ZC3H12B: variants seen among roughly 807,000 people sequenced by gnomAD.
The protein encoded by ZC3H12B is probable ribonuclease ZC3H12B.
In ZC3H12B, 7 loss-of-function variants were observed where a neutral mutation model predicts 43.9. The observed-to-expected ratio is 0.16, with a 90% CI of 0.09 to 0.30. ZC3H12B has a LOEUF of 0.30. ZC3H12B is among the 10% of genes least tolerant of loss of function. ZC3H12B has a pLI of 1.00. For missense variants in ZC3H12B, 475 were observed against 670.2 expected (o/e 0.71, Z 3.22); for synonymous variants, 222 against 241.7 (o/e 0.92, Z 0.76).
chrX:65,219,809 T>TACACACACACACACAC, the ZC3H12B span, among the ~76,000 whole-genome samples: 15 of 76,662 alleles, frequency 2.0e-4, no homozygotes, highest in African/African-American at 3.7e-4. Context: ...TACACACACA[T>TACACACACACACACAC]ACACACACAC....
chrX:65,489,454 G>T, intron 1 of ZC3H12B, 45 bp downstream of exon 6: 1 of 1,137,218 alleles, frequency 8.8e-7, no homozygotes, highest in Non-Finnish European at 1.2e-6. Flanking sequence ...AAACTGCCCT[G>T]AGCTCATAGA....
At chrX:65,187,103 TC>T in the ZC3H12B span, 1 of 112,159 alleles carries the variant, frequency 8.9e-6, no homozygotes, top group African/African-American at 3.2e-5. Context: ...TTAAGGAATC[TC>T]CCCACTGTTT....
intron 3 of ZC3H12B, among the ~76,000 whole-genome samples, chrX:65,420,958 G>A (rs1350199148): frequency 8.9e-6 from 1 of 112,349 alleles, no homozygotes; most frequent in African/African-American, 3.2e-5. Context: ...TCTACCAGAA[G>A]CAGTTTGCTT....
the ZC3H12B span, among the ~76,000 whole-genome samples, chrX:65,211,213 G>T: frequency 2.8e-5 from 3 of 107,475 alleles, no homozygotes; most frequent in East Asian, 2.9e-4. Flanking sequence ...TTAGCCCTTT[G>T]TCAGATGGAT....
At chrX:65,297,341 C>T in the ZC3H12B span, among the ~76,000 whole-genome samples, 1 of 110,931 alleles carries the variant, frequency 9.0e-6, no homozygotes. Flanking sequence ...AGTAGCATTG[C>T]TGTACACCAA....
chrX:65,111,303 C>T, the ZC3H12B span, among the ~76,000 whole-genome samples: 1 of 111,213 alleles, frequency 9.0e-6, no homozygotes, highest in Non-Finnish European at 1.9e-5. Context: ...TTGCCTTGTG[C>T]CTAATTGTAG....
intron 3 of ZC3H12B, among the ~76,000 whole-genome samples, chrX:65,413,394 T>C (rs1358706994): frequency 8.9e-6 from 1 of 112,063 alleles, no homozygotes; most frequent in Non-Finnish European, 1.9e-5. Flanking sequence ...ATTTTACCCC[T>C]GTTTTCTTCT....
the ZC3H12B span, among the ~76,000 whole-genome samples, chrX:65,341,448 G>T: frequency 1.8e-5 from 2 of 111,382 alleles, no homozygotes; most frequent in Non-Finnish European, 3.8e-5. Flanking sequence ...AAATGTTAAA[G>T]TCAGCTATAG....
the ZC3H12B span, among the ~76,000 whole-genome samples, chrX:65,060,543 A>G: frequency 8.9e-6 from 1 of 112,160 alleles, no homozygotes; most frequent in Non-Finnish European, 1.9e-5. Context: ...CGTCACAGGG[A>G]TAACTCCCAC....
the ZC3H12B span, among the ~76,000 whole-genome samples, chrX:65,175,110 C>T: frequency 2.9e-4 from 32 of 111,564 alleles, no homozygotes; most frequent in East Asian, 5.7e-4. Context: ...CAGTTCCTTG[C>T]GGCTTCCCTT....
the ZC3H12B span, among the ~76,000 whole-genome samples, chrX:65,081,950 G>A: frequency 5.6e-4 from 63 of 111,875 alleles, no homozygotes; most frequent in Non-Finnish European, 1.1e-3. Context: ...AATAAAACTA[G>A]TAATCGATAA....
chrX:65,207,693 GT>G, the ZC3H12B span, among the ~76,000 whole-genome samples: 771 of 94,681 alleles, frequency 8.1e-3, 7 homozygotes, highest in Non-Finnish European at 0.013. Flanking sequence ...CTTTAAAGTA[GT>G]TTTTTCCAAT....
chrX:65,054,744 G>A, the ZC3H12B span, among the ~76,000 whole-genome samples: 803 of 111,168 alleles, frequency 7.2e-3, 1 homozygote, highest in Middle Eastern at 0.033. Context: ...CCATTTTTTT[G>A]TATCCTCTTT....
chrX:65,122,859 A>C, the ZC3H12B span, among the ~76,000 whole-genome samples: 1 of 111,767 alleles, frequency 8.9e-6, no homozygotes, highest in Admixed American at 9.5e-5. Context: ...TATGCATCCA[A>C]TACAGGAGCA....
the ZC3H12B span, among the ~76,000 whole-genome samples, chrX:65,110,855 C>T: frequency 9.0e-6 from 1 of 111,236 alleles, no homozygotes; most frequent in South Asian, 3.7e-4. Flanking sequence ...GTATTCCAAT[C>T]CATGAATTCA....
intron 3 of ZC3H12B, among the ~76,000 whole-genome samples, chrX:65,444,354 G>A (rs183978865): frequency 2.7e-5 from 3 of 111,979 alleles, no homozygotes; most frequent in African/African-American, 9.7e-5. Context: ...CTGGTGGGAG[G>A]TTATCGAATA....
chrX:65,082,527 T>A, the ZC3H12B span, among the ~76,000 whole-genome samples: 1 of 111,168 alleles, frequency 9.0e-6, no homozygotes, highest in Non-Finnish European at 1.9e-5. Context: ...AATGGACAGT[T>A]TCCTAGACAC....
the ZC3H12B span, among the ~76,000 whole-genome samples, chrX:65,119,506 T>C: frequency 4.5e-5 from 5 of 112,109 alleles, no homozygotes; most frequent in East Asian, 8.4e-4. Flanking sequence ...TGTTTTTTTC[T>C]TGTAAATTTG....
chrX:65,323,358 G>A, the ZC3H12B span, among the ~76,000 whole-genome samples: 8 of 111,763 alleles, frequency 7.2e-5, no homozygotes, highest in Admixed American at 5.7e-4. Context: ...CACATCCCCC[G>A]ACAGGCCCTG....
Sources: gnomAD v4.1 joint callset for allele counts (sites outside exome capture counted in the v4.1 genomes callset) on GRCh38, gnomAD v4.1.1 for gene constraint, MANE v1.5 for transcripts, NCBI Gene and HGNC (gene_info 2026-07-23, HGNC 2026-07-21) for gene names.